Variants in GABRR3 observed in about 807,000 individuals in gnomAD.
GABRR3 encodes gamma-aminobutyric acid receptor subunit rho-3.
A neutral mutation model predicts 43.2 loss-of-function variants in GABRR3; 29 were observed. That is an observed-to-expected ratio of 0.67 (90% CI 0.50 to 0.92). GABRR3 has a LOEUF of 0.92. Among genes scored for constraint, GABRR3 ranks in the 40% least tolerant of loss-of-function variants. The pLI is 0.00. For missense variants in GABRR3, 576 were observed against 572.3 expected (o/e 1.01, Z -0.07); for synonymous variants, 206 against 195.9 (o/e 1.05, Z -0.43).
intron 2 of GABRR3, among the ~76,000 whole-genome samples, chr3:98,027,748 A>G (rs974101287): frequency 6.6e-6 from 1 of 152,240 alleles, no homozygotes; most frequent in African/African-American, 2.4e-5. Context: ...TTGAAAATCT[A>G]TATATTCCCC....
intron 5 of GABRR3, among the ~76,000 whole-genome samples, chr3:98,011,629 A>G (rs1194639251): frequency 6.6e-6 from 1 of 151,972 alleles, no homozygotes; most frequent in East Asian, 1.9e-4. Context: ...TTTTTTGGTC[A>G]TATATGATAA....
chr3:98,017,864 AT>A lies in GABRR3; in HGVS notation c.239-143del, dbSNP rs1165191595. 5.1e-6 allele frequency: 3 copies of A among 589,198 alleles called. No individual in the cohort carries two copies. The East Asian group carries it at 8.7e-5, about 17-fold the overall frequency. The allele number at this position is 589,198 out of a possible 1,614,324, so 36.5% of individuals were successfully genotyped here. ...TAAACAACAAATTTCTCCATTATTC[AT>A]TGAATCAGTTATTATATACTCAATT... On this transcript the variant is annotated intron_variant, in intron 3 of 9. Coordinates refer to ENST00000621172, the Ensembl canonical transcript of GABRR3.
At chr3:98,030,717 A>G (rs924786390) in intron 2 of GABRR3, among the ~76,000 whole-genome samples, 1 of 152,212 alleles carries the variant, frequency 6.6e-6, no homozygotes, top group Admixed American at 6.5e-5. Context: ...GTCATTCTAG[A>G]AGCATGGCCT....
chr3:97,987,560 G>A lies in GABRR3; in HGVS notation c.1105-578C>T, dbSNP rs559749434. Among the ~76,000 whole-genome samples, 55 of 152,232 alleles carry A rather than the reference G, an allele frequency of 3.6e-4. 1 individual carries two copies. Among genetic ancestry groups the A allele is most frequent in the Admixed American group, 3.4e-3 (52 of 15,296 alleles). On this transcript the variant is annotated intron_variant, in intron 9 of 9. Coordinates refer to ENST00000621172, the Ensembl canonical transcript of GABRR3. ...ATTCAAAAATGAACAAATAGAGAGA[G>A]GCTACTATCGGATGAAATTATTCAG...
At chr3:97,989,903 G>T (rs1344131536) in intron 9 of GABRR3, among the ~76,000 whole-genome samples, 1 of 152,092 alleles carries the variant, frequency 6.6e-6, no homozygotes. Flanking sequence ...CAATAACAAA[G>T]GTGACATTGT....
intron 7 of GABRR3, among the ~76,000 whole-genome samples, chr3:98,007,514 T>A (rs1382138315): frequency 6.6e-6 from 1 of 152,162 alleles, no homozygotes; most frequent in African/African-American, 2.4e-5. Flanking sequence ...CCAAAGAGAT[T>A]ACTCTGTCTG....
chr3:98,033,544 A>G, intron 2 of GABRR3, among the ~76,000 whole-genome samples: 1 of 152,156 alleles, frequency 6.6e-6, no homozygotes, highest in Non-Finnish European at 1.5e-5. Flanking sequence ...GTGATGAATT[A>G]GCTACTATAG....
chr3:97,986,697 C>A (rs1706389602), exon 10 of GABRR3: 1 of 1,546,970 alleles, frequency 6.5e-7, no homozygotes, highest in Non-Finnish European at 8.8e-7. Flanking sequence ...ACATATACAC[C>A]CCAGTAAAAC....
intron 2 of GABRR3, among the ~76,000 whole-genome samples, chr3:98,030,063 C>T (rs555561227): frequency 6.0e-5 from 9 of 150,580 alleles, no homozygotes; most frequent in East Asian, 5.9e-4. Context: ...GGCAGTGAGC[C>T]GAGATCGTGT....
At chr3:98,023,435 C>T (rs1008048452) in intron 3 of GABRR3, among the ~76,000 whole-genome samples, 1 of 152,164 alleles carries the variant, frequency 6.6e-6, no homozygotes, top group South Asian at 2.1e-4. Flanking sequence ...TGGCCGAAAA[C>T]CCAGGGACAG....
chr3:98,012,291 G>A (rs1706802724), intron 5 of GABRR3, 53 bp downstream of exon 5: 2 of 1,306,214 alleles, frequency 1.5e-6, no homozygotes, highest in Non-Finnish European at 2.2e-6. Context: ...ATCAGCTTTG[G>A]TGCAGATGGC....
chr3:97,997,463 T>C (rs1172926876), intron 8 of GABRR3: 1 of 152,186 alleles, frequency 6.6e-6, no homozygotes, highest in Non-Finnish European at 1.5e-5. Context: ...AAAAAGGTAA[T>C]TTATTTAAGA....
chr3:98,027,864 G>T (rs1390083064), intron 2 of GABRR3, among the ~76,000 whole-genome samples: 2 of 151,904 alleles, frequency 1.3e-5, no homozygotes, highest in Non-Finnish European at 2.9e-5. Flanking sequence ...AGTGTATCCA[G>T]TGAATCTAAA....
intron 8 of GABRR3, among the ~76,000 whole-genome samples, chr3:97,995,059 A>G (rs1019499549): frequency 3.9e-5 from 6 of 151,968 alleles, no homozygotes; most frequent in African/African-American, 1.4e-4. Flanking sequence ...GCTCACTGCA[A>G]CCTCCGCCTC....
chr3:98,006,905 T>C (rs1706729368), intron 7 of GABRR3, among the ~76,000 whole-genome samples: 1 of 152,176 alleles, frequency 6.6e-6, no homozygotes, highest in South Asian at 2.1e-4. Context: ...TAAAGAGTAC[T>C]ATATAGGCCC....
At position 98,025,686 on chromosome 3, in the gene GABRR3, C is replaced by T; in HGVS notation, c.126-7G>A. The T allele has an allele frequency of 1.9e-6, 3 of 1,584,594 alleles. No homozygotes were observed. The South Asian group carries it at 3.5e-5, about 18-fold the overall frequency. ...CATTCTAGTTTCTTGTTTGCTGTTC[C>T]CCCAAAGGGAAAAAAAAAACTTCTG... is the stretch of plus-strand genomic sequence containing the variant. On this transcript the variant is annotated splice_region_variant and splice_polypyrimidine_tract_variant and intron_variant, in intron 2 of 9. Transcript: ENST00000621172.
chr3:98,035,060 T>G, intron 1 of GABRR3, 71 bp from the exon 2 acceptor site: 1 of 1,523,920 alleles, frequency 6.6e-7, no homozygotes, highest in Non-Finnish European at 8.8e-7. Context: ...TTCTTCTTCA[T>G]GTGTCTTTTA....
chr3:98,017,813 C>T lies in GABRR3; in HGVS notation c.239-91G>A, dbSNP rs1044416263. 6 of 863,146 alleles carry T rather than the reference C, an allele frequency of 7.0e-6. No homozygotes were observed. The African/African-American group carries it at 1.0e-4, about 15-fold the overall frequency. The allele number at this position is 863,146 out of a possible 1,614,324, so 53.5% of individuals were successfully genotyped here. On this transcript the variant is annotated intron_variant, in intron 3 of 9. Coordinates refer to ENST00000621172, the Ensembl canonical transcript of GABRR3. ...CAGAGAGATTAATTCTCTTGGACAG[C>T]AACTGAATTACTGTTAAAGTTTTTT...
At chr3:98,017,014 T>G (rs1239796217) in intron 4 of GABRR3, among the ~76,000 whole-genome samples, 1 of 152,142 alleles carries the variant, frequency 6.6e-6, no homozygotes, top group Admixed American at 6.5e-5. Context: ...ACAGGAAGCT[T>G]GAAGATAAGG....
Sources: gnomAD v4.1 joint callset for allele counts (sites outside exome capture counted in the v4.1 genomes callset) on GRCh38, gnomAD v4.1.1 for gene constraint, MANE v1.5 for transcripts, NCBI Gene and HGNC (gene_info 2026-07-23, HGNC 2026-07-21) for gene names.